The following PCSK6 variants were observed in gnomAD, a reference collection of about 807,000 sequenced individuals.
PCSK6 encodes paired basic amino acid cleaving enzyme 4.
Under a neutral mutation model 123.3 loss-of-function variants are expected in PCSK6, and 85 were observed. The observed-to-expected ratio is 0.69, with a 90% confidence interval of 0.58 to 0.83. PCSK6 has a LOEUF of 0.83. Among genes scored for constraint, PCSK6 ranks in the 40% least tolerant of loss-of-function variants. The probability of loss-of-function intolerance (pLI) is 0.00; values close to 1 mark genes in which losing one functional copy is unlikely to be tolerated. For missense variants in PCSK6, 1,191 were observed against 1,282.3 expected (o/e 0.93, Z 1.09); for synonymous variants, 508 against 516.0 (o/e 0.98, Z 0.21).
chr15:101,421,227 T>C (rs2056075590), intron 6 of PCSK6, among the ~76,000 whole-genome samples: 1 of 152,230 alleles, frequency 6.6e-6, no homozygotes. Flanking sequence ...ATTACAGGCA[T>C]GAGCCACCAC....
chr15:101,467,168 T>A (rs1596366830), intron 1 of PCSK6, among the ~76,000 whole-genome samples: 1 of 152,178 alleles, frequency 6.6e-6, no homozygotes, highest in Non-Finnish European at 1.5e-5. Flanking sequence ...AGGATTCATA[T>A]GCCGTATATG....
rs115157282 is a variant in PCSK6 at position 101,428,895 on chromosome 15, C to T, written c.735-915G>A. Among the ~76,000 whole-genome samples, 1,166 of 152,284 alleles carry T rather than the reference C, an allele frequency of 7.7e-3. 15 individuals are homozygous for T. The highest frequency in any genetic ancestry group is 0.022 in the African/African-American group (927 of 41,556). ...GAATCCTGCCCTTCAAGGGTCACTG[C>T]GTGGTATGTGGGTCATTCCTCCTTT... On this transcript the variant is annotated intron_variant, in intron 5 of 21. Transcript: ENST00000611716.
intron 1 of PCSK6, among the ~76,000 whole-genome samples, chr15:101,454,944 C>T (rs2057136869): frequency 7.5e-6 from 1 of 133,802 alleles, no homozygotes; most frequent in African/African-American, 3.0e-5. Flanking sequence ...GACTCCATCT[C>T]AAAAAATGAA....
chr15:101,351,154 TGA>T (rs1456811573), intron 13 of PCSK6, among the ~76,000 whole-genome samples: 1 of 152,138 alleles, frequency 6.6e-6, no homozygotes, highest in Non-Finnish European at 1.5e-5. Context: ...TGACGTCACG[TGA>T]AAAGCTTGAA....
Position 101,489,572 on chromosome 15 carries a change from C to A in PCSK6, c.99G>T (p.Ala33=), listed in dbSNP as rs1193286721. The change falls in exon 1 of 22, where the codon GCG becomes GCT. Residue 33 remains alanine, a synonymous_variant. Transcript: ENST00000611716. The part of the protein sequence containing the change: ...TAAGAGGAGG[A]GGAGGPGFRP... The stretch of plus-strand genomic sequence containing the variant: ...GGAACCCGGGCCCGCCGGCGCCCCC[C>A]GCGCCCCCCGCGCCCCCCGCGCCCG... 6 of 901,836 alleles carry A rather than the reference C, an allele frequency of 6.7e-6. No individual in the cohort carries two copies. The highest frequency in any genetic ancestry group is 7.7e-6 in the Non-Finnish European group (6 of 783,156). The allele number at this position is 901,836 out of a possible 1,614,324, so 55.9% of individuals were successfully genotyped here. A position where few individuals can be genotyped will look rare whatever the true frequency, so the allele number is the denominator to read the frequency against.
chr15:101,444,892 A>C (rs1436194294), intron 1 of PCSK6, among the ~76,000 whole-genome samples: 1 of 152,106 alleles, frequency 6.6e-6, no homozygotes, highest in Non-Finnish European at 1.5e-5. Flanking sequence ...ATCTTTACAC[A>C]AGAAGATAAG....
intron 1 of PCSK6, among the ~76,000 whole-genome samples, chr15:101,465,156 T>C (rs2057427793): frequency 6.6e-6 from 1 of 152,210 alleles, no homozygotes; most frequent in African/African-American, 2.4e-5. Context: ...GAAAGGGCCC[T>C]GCGAGGGGCA....
intron 1 of PCSK6, among the ~76,000 whole-genome samples, chr15:101,449,955 C>G (rs2056990589): frequency 6.6e-6 from 1 of 152,128 alleles, no homozygotes; most frequent in Non-Finnish European, 1.5e-5. Flanking sequence ...CATCTTTATC[C>G]ACTGGCTCCT....
chr15:101,357,774 C>T (rs560707550), intron 13 of PCSK6, among the ~76,000 whole-genome samples: 7 of 152,312 alleles, frequency 4.6e-5, no homozygotes, highest in East Asian at 3.9e-4. Flanking sequence ...TGGGTAGACA[C>T]GGATTTTCAC....
chr15:101,314,393 G>A (rs1332918443), intron 19 of PCSK6, among the ~76,000 whole-genome samples: 1 of 152,176 alleles, frequency 6.6e-6, no homozygotes, highest in Non-Finnish European at 1.5e-5. Flanking sequence ...CTGACTGACA[G>A]CGGAGAGGGT....
intron 7 of PCSK6, among the ~76,000 whole-genome samples, chr15:101,393,745 C>T (rs1439040369): frequency 6.6e-6 from 1 of 152,208 alleles, no homozygotes; most frequent in Non-Finnish European, 1.5e-5. Flanking sequence ...CCATGCCTGT[C>T]ATTTCCATCG....
rs185689579 is a variant in PCSK6 at position 101,335,359 on chromosome 15, T to C, written c.1859-3328A>G. On this transcript the variant is annotated intron_variant, in intron 13 of 21. Transcript: ENST00000611716. The stretch of plus-strand genomic sequence containing the variant: ...TGTTTAAAATCTATGAATAAAGTGG[T>C]TGTATGGTCAAAAAACCCCATTAAA... 3.3e-3 allele frequency among the ~76,000 whole-genome samples: 494 copies of C among 151,972 alleles called. 2 individuals are homozygous for C. The highest frequency in any genetic ancestry group is 5.7e-3 in the Non-Finnish European group (389 of 68,028).
chr15:101,343,808 T>C (rs2040672056), intron 13 of PCSK6, among the ~76,000 whole-genome samples: 1 of 152,170 alleles, frequency 6.6e-6, no homozygotes, highest in African/African-American at 2.4e-5. Context: ...GTGGGTGTAT[T>C]GGCCGGGCGC....
At chr15:101,478,230 C>G (rs1235777553) in intron 1 of PCSK6, among the ~76,000 whole-genome samples, 7 of 152,182 alleles carry the variant, frequency 4.6e-5, no homozygotes, top group Non-Finnish European at 1.0e-4. Flanking sequence ...GTTTGCTCAT[C>G]TGTGTAATGG....
At chr15:101,457,847 C>T (rs1399298039) in intron 1 of PCSK6, among the ~76,000 whole-genome samples, 1 of 152,218 alleles carries the variant, frequency 6.6e-6, no homozygotes, top group South Asian at 2.1e-4. Context: ...AATGAGCCTG[C>T]GCTATCTGTC....
At chr15:101,330,038 T>C (rs1370951474) in intron 15 of PCSK6, among the ~76,000 whole-genome samples, 1 of 152,234 alleles carries the variant, frequency 6.6e-6, no homozygotes. Flanking sequence ...CTCAGCACCC[T>C]GCGGAGTCCC....
chr15:101,371,423 A>C (rs1596248482), intron 11 of PCSK6, among the ~76,000 whole-genome samples: 1 of 151,974 alleles, frequency 6.6e-6, no homozygotes, highest in Non-Finnish European at 1.5e-5. Flanking sequence ...CTGTCCTTGG[A>C]CCCCCTAAAT....
At chr15:101,357,777 A>C (rs1295838887) in intron 13 of PCSK6, among the ~76,000 whole-genome samples, 1 of 151,998 alleles carries the variant, frequency 6.6e-6, no homozygotes, top group Non-Finnish European at 1.5e-5. Context: ...GTAGACACGG[A>C]TTTTCACCCT....
At chr15:101,357,535 C>T (rs2041078041) in intron 13 of PCSK6, among the ~76,000 whole-genome samples, 1 of 152,238 alleles carries the variant, frequency 6.6e-6, no homozygotes, top group Non-Finnish European at 1.5e-5. Flanking sequence ...CCTGAACATT[C>T]AGTGCTGGGG....
Sources: gnomAD v4.1 joint callset for allele counts (sites outside exome capture counted in the v4.1 genomes callset) on GRCh38, gnomAD v4.1.1 for gene constraint, MANE v1.5 for transcripts, NCBI Gene and HGNC (gene_info 2026-07-23, HGNC 2026-07-21) for gene names.